Variants in PDE9A observed in about 807,000 individuals in gnomAD.
PDE9A encodes the protein phosphodiesterase 9A, also known as high affinity cGMP-specific 3',5'-cyclic phosphodiesterase 9A.
In PDE9A, 60 loss-of-function variants were observed where a neutral mutation model predicts 87.4. The observed-to-expected ratio is 0.69, with a 90% CI of 0.56 to 0.85. The LOEUF is 0.85. Ranked by LOEUF, PDE9A falls within the 40% of genes least tolerant of loss-of-function variation. The probability of loss-of-function intolerance (pLI) is 0.00; values close to 1 mark genes in which losing one functional copy is unlikely to be tolerated. For synonymous variants in PDE9A, 272 were observed against 279.4 expected, an observed-to-expected ratio of 0.97 and a Z score of 0.27; for missense variants, 665 against 779.0, an observed-to-expected ratio of 0.85 and a Z score of 1.74.
chr21:42,700,086 T>C (rs1487894366), intron 4 of PDE9A, among the ~76,000 whole-genome samples: 2 of 151,930 alleles, frequency 1.3e-5, no homozygotes, highest in Non-Finnish European at 2.9e-5. Context: ...ATGAGATTTC[T>C]TTTTGAGAGT....
intron 1 of PDE9A, among the ~76,000 whole-genome samples, chr21:42,668,722 G>A (rs1212033242): frequency 6.6e-6 from 1 of 152,214 alleles, no homozygotes; most frequent in African/African-American, 2.4e-5. Context: ...GCGGAGGCCC[G>A]GGATCCGCGC....
rs770492384 is a variant in PDE9A, at chr21:42,705,273, C to T, written c.262+6262C>T. 1.1e-4 allele frequency among the ~76,000 whole-genome samples: 16 copies of T among 152,350 alleles called. No homozygotes were observed. Among genetic ancestry groups the T allele is most frequent in the Admixed American group, 2.6e-4 (4 of 15,306 alleles). ...GCAACTACAAAAACCACGACACAGGCTTCTCAGCATCTTTTTATAACGATA... is the reference window on the plus strand; with the variant it reads ...GCAACTACAAAAACCACGACACAGGTTTCTCAGCATCTTTTTATAACGATA... On this transcript the variant is annotated intron_variant, in intron 4 of 19. Transcript: ENST00000291539. This position sits in a 1 kb window ranked among gnomAD's most constrained non-coding sequence, Gnocchi z 4.3.
chr21:42,761,412 G>A (rs1037639176), intron 13 of PDE9A, among the ~76,000 whole-genome samples: 1 of 152,242 alleles, frequency 6.6e-6, no homozygotes, highest in Admixed American at 6.5e-5. Context: ...TGGGGCCAGG[G>A]ATCAGAAGGA....
rs2051859106 is a variant in PDE9A, at chr21:42,732,142, CT to C, written c.497+20del. On this transcript the variant is annotated intron_variant, in intron 6 of 19. Coordinates refer to ENST00000291539, the MANE Select transcript of PDE9A (RefSeq NM_002606.3). ...TTCTCAAGGTACAGAGTCTTCTAAA[CT>C]TACAACCAGCCAGAGATGGGCACAT... The C allele has an allele frequency of 6.2e-7, 1 of 1,610,562 alleles. No individual in the cohort carries two copies. The highest frequency in any genetic ancestry group is 8.5e-7 in the Non-Finnish European group (1 of 1,177,274).
intron 1 of PDE9A, among the ~76,000 whole-genome samples, chr21:42,666,807 A>G (rs1177006103): frequency 6.6e-6 from 1 of 152,218 alleles, no homozygotes; most frequent in African/African-American, 2.4e-5. Context: ...AGTTCAGTCC[A>G]TAGCACCCGC....
At chr21:42,753,014 T>TA (rs1555944809) in intron 9 of PDE9A, among the ~76,000 whole-genome samples, 8 of 151,632 alleles carry the variant, frequency 5.3e-5, no homozygotes, top group South Asian at 2.1e-4. Flanking sequence ...CCTTTTTTTA[T>TA]TATTATTTTT....
chr21:42,655,243 C>T (rs73905714), intron 1 of PDE9A, among the ~76,000 whole-genome samples: 7,684 of 152,230 alleles, frequency 0.05, 634 homozygotes, highest in African/African-American at 0.17. Flanking sequence ...TTTTTCTGCC[C>T]GATAGATGAG....
intron 19 of PDE9A, among the ~76,000 whole-genome samples, chr21:42,773,449 CTTG>C (rs1436614972): frequency 6.6e-6 from 1 of 152,184 alleles, no homozygotes; most frequent in Non-Finnish European, 1.5e-5. Context: ...TTCCTCTGTA[CTTG>C]TTGATACTAG....
At chr21:42,748,969 T>A (rs2054159796) in intron 8 of PDE9A, among the ~76,000 whole-genome samples, 2 of 152,208 alleles carry the variant, frequency 1.3e-5, no homozygotes, top group African/African-American at 4.8e-5. Context: ...GTGATGATCC[T>A]CCTAATGGCA....
At chr21:42,757,226 G>A (rs1342756545) in intron 10 of PDE9A, 1 of 152,256 alleles carries the variant, frequency 6.6e-6, no homozygotes, top group Non-Finnish European at 1.5e-5. Flanking sequence ...GTCTCCCCAA[G>A]GAAAACGAGT....
chr21:42,752,012 A>G (rs1038426846), intron 9 of PDE9A, among the ~76,000 whole-genome samples: 6 of 149,434 alleles, frequency 4.0e-5, no homozygotes, highest in African/African-American at 1.5e-4. Flanking sequence ...CGGCCTCCCA[A>G]AGTGCTGAGC....
rs1361349697 is a variant in PDE9A at position 42,775,505 on chromosome 21, G to A, written c.*212G>A. 16 of 503,352 alleles carry A rather than the reference G, an allele frequency of 3.2e-5. No homozygotes were observed. Among genetic ancestry groups the A allele is most frequent in the Admixed American group, 3.9e-5 (1 of 25,350 alleles). The allele number at this position is 503,352 out of a possible 1,614,324, so 31.2% of individuals were successfully genotyped here. On this transcript the variant is annotated 3_prime_UTR_variant, in exon 20 of 20. Coordinates refer to ENST00000291539, the MANE Select transcript of PDE9A (RefSeq NM_002606.3). ...TCTTTTAAATAATATATTCTTATAC[G>A]GAAATGGGTACTGTACTTCTTCTTT...
At chr21:42,713,313 T>C (rs2049516574) in intron 4 of PDE9A, among the ~76,000 whole-genome samples, 1 of 152,186 alleles carries the variant, frequency 6.6e-6, no homozygotes, top group Non-Finnish European at 1.5e-5. Context: ...TTTGTATTTT[T>C]AGTAGAGACA....
At chr21:42,666,440 G>C (rs915043667) in intron 1 of PDE9A, among the ~76,000 whole-genome samples, 1 of 152,210 alleles carries the variant, frequency 6.6e-6, no homozygotes, top group Non-Finnish European at 1.5e-5. Flanking sequence ...CGCAGAGCAG[G>C]TCCTGAAGGT....
intron 6 of PDE9A, among the ~76,000 whole-genome samples, chr21:42,732,838 C>T (rs554190074): frequency 6.6e-6 from 1 of 152,242 alleles, no homozygotes. Flanking sequence ...CACTTGAACC[C>T]GGGAGGTGGA....
Position 42,760,536 on chromosome 21 carries a change from T to TG in PDE9A, c.1002+108dup, listed in dbSNP as rs2055609365. The stretch of plus-strand genomic sequence containing the variant: ...CATCCCACCAAGAGAGCCACAGGCG[T>TG]GGGGTCCCCAGCCGCTCCGCCCCTC... On this transcript the variant is annotated intron_variant, in intron 12 of 19. Coordinates refer to ENST00000291539, the MANE Select transcript of PDE9A (RefSeq NM_002606.3). The surrounding 1 kb of genome is among the most constrained non-coding windows in gnomAD (Gnocchi z 5.2). The TG allele has an allele frequency of 4.1e-6, 3 of 735,716 alleles. No homozygotes were observed. In the Admixed American group the frequency reaches 7.1e-5, roughly 17 times the overall value. 45.6% of individuals were successfully genotyped at this position (735,716 alleles called of 1,614,324 possible). A position where few individuals can be genotyped will look rare whatever the true frequency, so the allele number is the denominator to read the frequency against.
chr21:42,768,726 C>T, intron 16 of PDE9A: 1 of 985,440 alleles, frequency 1.0e-6, no homozygotes, highest in Non-Finnish European at 1.2e-6. Context: ...AATACAACAG[C>T]TTGATGAACC....
Position 42,775,439 on chromosome 21 carries a change from AAGG to A in PDE9A, c.*148_*150del. 1.6e-6 allele frequency: 1 copy of A among 615,582 alleles called. No individual in the cohort carries two copies. The highest frequency in any genetic ancestry group is 2.9e-5 in the East Asian group (1 of 33,962). The allele number at this position is 615,582 out of a possible 1,614,324, so 38.1% of individuals were successfully genotyped here. A position where few individuals can be genotyped will look rare whatever the true frequency, so the allele number is the denominator to read the frequency against. On this transcript the variant is annotated 3_prime_UTR_variant, in exon 20 of 20. Coordinates refer to ENST00000291539, the MANE Select transcript of PDE9A (RefSeq NM_002606.3). ...TTGTTCACTGATACAAAAAAAAAAA[AAGG>A]AATTCATGATGCTGTACAGAATTTT...
intron 1 of PDE9A, among the ~76,000 whole-genome samples, chr21:42,655,609 C>G (rs971113612): frequency 1.3e-5 from 2 of 152,176 alleles, no homozygotes; most frequent in African/African-American, 4.8e-5. Flanking sequence ...CACGAGCAAG[C>G]CCCTGGGCTC....
Sources: allele counts gnomAD v4.1 joint callset (sites outside exome capture counted in the v4.1 genomes callset), GRCh38; gene constraint gnomAD v4.1.1; non-coding constraint Gnocchi (gnomAD v3.1); transcripts MANE v1.5; gene names NCBI Gene and HGNC (gene_info 2026-07-23, HGNC 2026-07-21).